Variants in DTWD2 observed in about 807,000 individuals in gnomAD.
DTWD2 encodes the protein tRNA-uridine aminocarboxypropyltransferase 2.
In DTWD2, 39 loss-of-function variants were observed where a neutral mutation model predicts 31.8. That is an observed-to-expected ratio of 1.22 (90% confidence interval 0.95 to 1.60). The LOEUF (loss-of-function observed/expected upper bound fraction) is 1.60, where lower values mean the gene tolerates loss of function less well. DTWD2 is among the 40% of genes most tolerant of loss of function. The probability of loss-of-function intolerance (pLI) is 0.00; values close to 1 mark genes in which losing one functional copy is unlikely to be tolerated. For synonymous variants in DTWD2, 180 were observed against 142.8 expected (o/e 1.26, Z -1.86); for missense variants, 515 against 381.5 (o/e 1.35, Z -2.92).
At chr5:118,969,953 TGATAATGA>T (rs1378040497) in intron 1 of DTWD2, among the ~76,000 whole-genome samples, 1 of 152,118 alleles carries the variant, frequency 6.6e-6, no homozygotes, top group Non-Finnish European at 1.5e-5. Flanking sequence ...ATACAGGAGT[TGATAATGA>T]GAACAGCCAG....
At chr5:118,932,281 A>G (rs1447335188) in intron 3 of DTWD2, among the ~76,000 whole-genome samples, 1 of 151,556 alleles carries the variant, frequency 6.6e-6, no homozygotes. Flanking sequence ...GCTCAAGACC[A>G]GCCTGAGCAA....
At chr5:118,878,152 A>C (rs868452726) in intron 4 of DTWD2, among the ~76,000 whole-genome samples, 5 of 152,212 alleles carry the variant, frequency 3.3e-5, no homozygotes, top group Non-Finnish European at 4.4e-5. Flanking sequence ...CAGAACTAGA[A>C]AAAAACTAAT....
At chr5:118,848,959 G>A (rs1446327291) in intron 4 of DTWD2, among the ~76,000 whole-genome samples, 2 of 152,188 alleles carry the variant, frequency 1.3e-5, no homozygotes, top group Non-Finnish European at 2.9e-5. Flanking sequence ...CCAGGACACA[G>A]GCATGGGCAA....
intron 4 of DTWD2, among the ~76,000 whole-genome samples, chr5:118,853,842 A>G (rs1752069549): frequency 6.6e-6 from 1 of 152,186 alleles, no homozygotes; most frequent in Non-Finnish European, 1.5e-5. Flanking sequence ...ACAAACCTGC[A>G]CATGTACCCT....
rs374085655 is a variant in DTWD2 at position 118,868,595 on chromosome 5, T to C, written c.598-20377A>G. 2.9e-4 allele frequency among the ~76,000 whole-genome samples: 44 copies of C among 152,152 alleles called. No homozygotes were observed. The East Asian group carries it at 7.7e-3, about 27-fold the overall frequency. On this transcript the variant is annotated intron_variant, in intron 4 of 5. Coordinates refer to ENST00000510708, the MANE Select transcript of DTWD2 (RefSeq NM_173666.4). Reference sequence around the variant, plus strand: ...AATAATGCCTCTAATCCCAACACTTTGGGAGGCTGAGGCAGAAGGATCACT... The same window carrying C: ...AATAATGCCTCTAATCCCAACACTTCGGGAGGCTGAGGCAGAAGGATCACT...
intron 4 of DTWD2, among the ~76,000 whole-genome samples, chr5:118,861,247 A>G (rs919242722): frequency 1.3e-5 from 2 of 152,206 alleles, no homozygotes; most frequent in Non-Finnish European, 2.9e-5. Flanking sequence ...CTTAGCCTAA[A>G]GTTTGATGTT....
At chr5:118,842,720 C>A (rs1751746547) in intron 5 of DTWD2, among the ~76,000 whole-genome samples, 1 of 151,732 alleles carries the variant, frequency 6.6e-6, no homozygotes, top group African/African-American at 2.4e-5. Flanking sequence ...ATTGCTTGAG[C>A]CCAGCAGTTT....
intron 1 of DTWD2, among the ~76,000 whole-genome samples, chr5:118,964,668 C>T (rs1754788476): frequency 6.6e-6 from 1 of 152,266 alleles, no homozygotes; most frequent in South Asian, 2.1e-4. Context: ...TCTCCAGCTC[C>T]TAACCACGAA....
At chr5:118,953,140 G>A (rs957563330) in intron 1 of DTWD2, among the ~76,000 whole-genome samples, 1 of 152,186 alleles carries the variant, frequency 6.6e-6, no homozygotes, top group Non-Finnish European at 1.5e-5. Flanking sequence ...GATTCAGTAA[G>A]CCTGAGAATG....
chr5:118,901,550 C>A (rs1026047541), intron 4 of DTWD2, among the ~76,000 whole-genome samples: 3 of 151,928 alleles, frequency 2.0e-5, no homozygotes, highest in Admixed American at 6.6e-5. Context: ...AAGAAAATAT[C>A]ATATATATTA....
At chr5:118,981,449 T>C (rs1360565142) in intron 1 of DTWD2, among the ~76,000 whole-genome samples, 2 of 152,198 alleles carry the variant, frequency 1.3e-5, no homozygotes, top group African/African-American at 4.8e-5. Context: ...TCAATTTCTC[T>C]ACCCTTTGCA....
chr5:118,846,043 T>C (rs1448178935), intron 5 of DTWD2, among the ~76,000 whole-genome samples: 1 of 152,176 alleles, frequency 6.6e-6, no homozygotes, highest in East Asian at 1.9e-4. Flanking sequence ...TAATGTTATA[T>C]CATTTTTTCA....
intron 4 of DTWD2, among the ~76,000 whole-genome samples, chr5:118,920,949 T>C (rs1053106718): frequency 6.6e-6 from 1 of 152,176 alleles, no homozygotes; most frequent in Non-Finnish European, 1.5e-5. Flanking sequence ...CAATAAAGAA[T>C]GGATGGAAGT....
At chr5:118,841,786 AAAC>A (rs1168457843) in intron 5 of DTWD2, among the ~76,000 whole-genome samples, 5 of 152,216 alleles carry the variant, frequency 3.3e-5, no homozygotes, top group African/African-American at 9.6e-5. Flanking sequence ...ATTAAAAAAA[AAAC>A]AACACTATGC....
chr5:118,955,010 T>C (rs1475026613), intron 1 of DTWD2, among the ~76,000 whole-genome samples: 2 of 152,212 alleles, frequency 1.3e-5, no homozygotes, highest in Non-Finnish European at 2.9e-5. Context: ...CTTCCTTTAT[T>C]ATATTTTGTG....
At chr5:118,887,178 T>C (rs983064268) in intron 4 of DTWD2, among the ~76,000 whole-genome samples, 1 of 152,160 alleles carries the variant, frequency 6.6e-6, no homozygotes, top group Admixed American at 6.5e-5. Context: ...TGCCACTTTC[T>C]TAACTTGCTA....
intron 3 of DTWD2, among the ~76,000 whole-genome samples, chr5:118,928,960 T>C (rs1753866196): frequency 1.3e-5 from 2 of 152,234 alleles, no homozygotes; most frequent in Non-Finnish European, 2.9e-5. Context: ...ATCCTCACTA[T>C]TCTTCTCTAT....
chr5:118,863,449 G>T (rs1383854142), intron 4 of DTWD2, among the ~76,000 whole-genome samples: 1 of 152,170 alleles, frequency 6.6e-6, no homozygotes, highest in Non-Finnish European at 1.5e-5. Context: ...TTTCCTATAA[G>T]AAGGAATACA....
chr5:118,971,139 T>C (rs568568711), intron 1 of DTWD2, among the ~76,000 whole-genome samples: 1 of 152,260 alleles, frequency 6.6e-6, no homozygotes, highest in Non-Finnish European at 1.5e-5. Flanking sequence ...CATAACAATA[T>C]TAACCTTAAG....
Sources: allele counts gnomAD v4.1 joint callset (sites outside exome capture counted in the v4.1 genomes callset), GRCh38; gene constraint gnomAD v4.1.1; transcripts MANE v1.5; gene names NCBI Gene and HGNC (gene_info 2026-07-23, HGNC 2026-07-21).